MB21D2: variants seen among roughly 807,000 people sequenced by gnomAD.
The protein encoded by MB21D2 is nucleotidyltransferase MB21D2.
A neutral mutation model predicts 33.3 loss-of-function variants in MB21D2; 9 were observed. That is an observed-to-expected ratio of 0.27 (90% CI 0.16 to 0.47). MB21D2 has a LOEUF of 0.47. Among genes scored for constraint, MB21D2 ranks in the 20% least tolerant of loss-of-function variants. The pLI is 0.99. For missense variants in MB21D2, 540 were observed against 624.6 expected (o/e 0.86, Z 1.44); for synonymous variants, 241 against 236.3 (o/e 1.02, Z -0.18).
At chr3:192,862,721 G>A (rs557041571) in intron 1 of MB21D2, among the ~76,000 whole-genome samples, 6 of 152,282 alleles carry the variant, frequency 3.9e-5, no homozygotes, top group African/African-American at 1.2e-4. Context: ...AGGGAAAGTC[G>A]GACGCGGACA....
At chr3:192,878,996 C>T (rs1254877642) in intron 1 of MB21D2, among the ~76,000 whole-genome samples, 1 of 152,058 alleles carries the variant, frequency 6.6e-6, no homozygotes, top group East Asian at 1.9e-4. Context: ...AAAGAATCAC[C>T]ATGCCAGCAT....
At position 192,843,648 on chromosome 3, in the gene MB21D2, G is replaced by A. The variant is rs1302695058; in HGVS notation, c.212-43998C>T. On this transcript the variant is annotated intron_variant, in intron 1 of 1. Transcript: ENST00000392452. ...TAAATAGCAAGACAGCTGGGTCAGGGAAGAGAGAGTCCCTCTCCGCCCTAA... is the reference window on the plus strand; with the variant it reads ...TAAATAGCAAGACAGCTGGGTCAGGAAAGAGAGAGTCCCTCTCCGCCCTAA... Among the ~76,000 whole-genome samples, 4 of 152,152 alleles carry A rather than the reference G, an allele frequency of 2.6e-5. No homozygotes were observed. The South Asian group carries it at 8.3e-4, about 32-fold the overall frequency.
intron 1 of MB21D2, among the ~76,000 whole-genome samples, chr3:192,874,148 G>A (rs1374684456): frequency 1.3e-5 from 2 of 152,198 alleles, no homozygotes; most frequent in Admixed American, 1.3e-4. Flanking sequence ...GCATCCAGGG[G>A]GTCTAGCAAT....
chr3:192,816,282 TTG>T (rs1471930174), intron 1 of MB21D2, among the ~76,000 whole-genome samples: 4 of 152,076 alleles, frequency 2.6e-5, no homozygotes, highest in African/African-American at 9.7e-5. Context: ...TGTGCTACGA[TTG>T]TGAGATGCAA....
intron 1 of MB21D2, among the ~76,000 whole-genome samples, chr3:192,812,331 C>T (rs906826120): frequency 3.5e-5 from 4 of 114,552 alleles, no homozygotes; most frequent in East Asian, 2.7e-4. Context: ...CCACCATGCC[C>T]GGCCTGTACT....
chr3:192,857,557 C>T lies in MB21D2; in HGVS notation c.212-57907G>A, dbSNP rs555781955. On this transcript the variant is annotated intron_variant, in intron 1 of 1. Transcript: ENST00000392452. ...ATCCCTTTCAGCGTGCGCATCTTGCCGAACTTCTGGACCCAGTTCCTGCCA... is the reference window on the plus strand; with the variant it reads ...ATCCCTTTCAGCGTGCGCATCTTGCTGAACTTCTGGACCCAGTTCCTGCCA... 2.6e-5 allele frequency among the ~76,000 whole-genome samples: 4 copies of T among 152,176 alleles called. No individual in the cohort carries two copies. The South Asian group carries it at 6.2e-4, about 24-fold the overall frequency.
At chr3:192,854,231 T>C (rs1712870912) in intron 1 of MB21D2, among the ~76,000 whole-genome samples, 1 of 152,222 alleles carries the variant, frequency 6.6e-6, no homozygotes, top group African/African-American at 2.4e-5. Context: ...GGAAAAGTTC[T>C]TGAAGGAAAT....
intron 1 of MB21D2, among the ~76,000 whole-genome samples, chr3:192,857,944 G>A (rs547366449): frequency 6.6e-6 from 1 of 152,072 alleles, no homozygotes; most frequent in African/African-American, 2.4e-5. Flanking sequence ...GGCCAACATG[G>A]AGAAACCCTA....
chr3:192,849,325 G>GGC (rs1712740858), intron 1 of MB21D2, among the ~76,000 whole-genome samples: 1 of 131,518 alleles, frequency 7.6e-6, no homozygotes. Context: ...TTGGGGGGGG[G>GGC]GCGGGGGGTG....
intron 1 of MB21D2, among the ~76,000 whole-genome samples, chr3:192,800,552 T>C (rs531497041): frequency 2.0e-5 from 3 of 152,326 alleles, no homozygotes; most frequent in African/African-American, 7.2e-5. Flanking sequence ...CCAGTTTTAC[T>C]TAAGAAAATC....
intron 1 of MB21D2, among the ~76,000 whole-genome samples, chr3:192,814,736 A>G (rs6778267): frequency 0.066 from 10,082 of 151,972 alleles, 1,124 homozygotes; most frequent in African/African-American, 0.23. Flanking sequence ...GTGGTGGTGG[A>G]CGCCTTTAGT....
At chr3:192,802,197 G>T (rs543027989) in intron 1 of MB21D2, among the ~76,000 whole-genome samples, 3 of 152,286 alleles carry the variant, frequency 2.0e-5, no homozygotes, top group Non-Finnish European at 4.4e-5. Flanking sequence ...GATCGGTGTG[G>T]GAGTGTCCCA....
intron 1 of MB21D2, among the ~76,000 whole-genome samples, chr3:192,805,359 T>G (rs905642706): frequency 1.8e-4 from 28 of 152,158 alleles, no homozygotes; most frequent in African/African-American, 6.3e-4. Flanking sequence ...AGCTTTCCAG[T>G]TTTTCAATAA....
chr3:192,817,741 C>T (rs1434128215), intron 1 of MB21D2, among the ~76,000 whole-genome samples: 5 of 151,840 alleles, frequency 3.3e-5, no homozygotes, highest in African/African-American at 7.3e-5. Flanking sequence ...GCAATACCTC[C>T]GAACTACACT....
intron 1 of MB21D2, among the ~76,000 whole-genome samples, chr3:192,884,452 C>G (rs7645455): frequency 0.7 from 105,335 of 150,890 alleles, 38,227 homozygotes; most frequent in African/African-American, 0.91. Flanking sequence ...CTGCAAGCTC[C>G]GCCTCCCGGG....
At chr3:192,832,658 C>T (rs533588440) in intron 1 of MB21D2, among the ~76,000 whole-genome samples, 2 of 152,138 alleles carry the variant, frequency 1.3e-5, no homozygotes, top group East Asian at 1.9e-4. Flanking sequence ...GACGTGGTGG[C>T]GTGTGCCTGT....
At chr3:192,837,950 CA>C (rs1450205003) in intron 1 of MB21D2, among the ~76,000 whole-genome samples, 1 of 152,210 alleles carries the variant, frequency 6.6e-6, no homozygotes, top group Non-Finnish European at 1.5e-5. Flanking sequence ...AGAACACCCC[CA>C]AACTTAGGGA....
chr3:192,820,927 C>CT (rs200779043), intron 1 of MB21D2, among the ~76,000 whole-genome samples: 21 of 151,946 alleles, frequency 1.4e-4, no homozygotes, highest in South Asian at 1.0e-3. Flanking sequence ...CCACACCCAG[C>CT]TTTTTTTTAT....
intron 1 of MB21D2, among the ~76,000 whole-genome samples, chr3:192,817,127 C>T (rs1711944195): frequency 6.6e-6 from 1 of 152,132 alleles, no homozygotes; most frequent in South Asian, 2.1e-4. Flanking sequence ...CTATCACTTC[C>T]CTCCCTGTTT....
Sources: allele counts gnomAD v4.1 joint callset (sites outside exome capture counted in the v4.1 genomes callset), GRCh38; gene constraint gnomAD v4.1.1; transcripts MANE v1.5; gene names NCBI Gene and HGNC (gene_info 2026-07-23, HGNC 2026-07-21).